Variants in CDH11 observed in about 807,000 individuals in gnomAD.
CDH11 encodes the protein cadherin 11, also known as cadherin-11.
Under a neutral mutation model 67.8 loss-of-function variants are expected in CDH11, and 11 were observed. The observed-to-expected ratio is 0.16, with a 90% CI of 0.10 to 0.27. The LOEUF (loss-of-function observed/expected upper bound fraction) is 0.27, where lower values mean the gene tolerates loss of function less well. Among genes scored for constraint, CDH11 ranks in the 10% least tolerant of loss-of-function variants. CDH11 has a pLI of 1.00. For missense variants in CDH11, 847 were observed against 1,031.2 expected, an observed-to-expected ratio of 0.82 and a Z score of 2.45; for synonymous variants, 419 against 400.0, an observed-to-expected ratio of 1.05 and a Z score of -0.57.
In CDH11 at chr16:65,068,200, AGAAGGGAAAGAG is replaced by A. The variant is rs571864300; in HGVS notation, c.-297-14284_-297-14273del. On this transcript the variant is annotated intron_variant, in intron 1 of 12. Coordinates refer to ENST00000268603, the MANE Select transcript of CDH11 (RefSeq NM_001797.4). ...AGGAAGAAAGGAAGGAAATGAGAGAAGAAGGGAAAGAGGAAGGGAAAGAGGGAAGGAGGGAGG... is the reference window on the plus strand; with the variant it reads ...AGGAAGAAAGGAAGGAAATGAGAGAAGAAGGGAAAGAGGGAAGGAGGGAGG... Among the ~76,000 whole-genome samples the A allele has an allele frequency of 4.7e-3, 679 of 145,284 alleles. 3 individuals carry two copies. Among genetic ancestry groups the A allele is most frequent in the African/African-American group, 0.016 (633 of 39,302 alleles).
intron 4 of CDH11, among the ~76,000 whole-genome samples, chr16:64,993,654 A>C (rs2142497651): frequency 6.6e-6 from 1 of 152,310 alleles, no homozygotes; most frequent in East Asian, 1.9e-4. Context: ...ACCAGTAAAC[A>C]TCTGGTGAGA....
chr16:64,995,431 T>C (rs1212289080), intron 4 of CDH11, among the ~76,000 whole-genome samples: 6 of 151,924 alleles, frequency 3.9e-5, no homozygotes, highest in African/African-American at 1.5e-4. Flanking sequence ...AACCCAGAAA[T>C]AAAGCCACAC....
At chr16:65,038,021 T>A (rs1189384193) in intron 2 of CDH11, among the ~76,000 whole-genome samples, 1 of 152,144 alleles carries the variant, frequency 6.6e-6, no homozygotes, top group Non-Finnish European at 1.5e-5. Flanking sequence ...AAAAAAGAAT[T>A]GTTCTTTTAA....
At chr16:65,046,016 C>T (rs2073956305) in intron 2 of CDH11, among the ~76,000 whole-genome samples, 1 of 152,196 alleles carries the variant, frequency 6.6e-6, no homozygotes, top group African/African-American at 2.4e-5. Flanking sequence ...AAGACACTGC[C>T]TTACTAAGTT....
At chr16:65,055,980 G>A (rs2074135307) in intron 1 of CDH11, among the ~76,000 whole-genome samples, 1 of 152,212 alleles carries the variant, frequency 6.6e-6, no homozygotes, top group African/African-American at 2.4e-5. Context: ...TGAAGACACA[G>A]TGAGAGGACT....
intron 1 of CDH11, among the ~76,000 whole-genome samples, chr16:65,094,150 A>G (rs1374525240): frequency 1.3e-5 from 2 of 152,220 alleles, no homozygotes; most frequent in Admixed American, 1.3e-4. Context: ...GTTTTAAAGA[A>G]AGTGGGATGA....
chr16:65,047,597 A>G (rs1325139647), intron 2 of CDH11, among the ~76,000 whole-genome samples: 2 of 151,884 alleles, frequency 1.3e-5, no homozygotes, highest in Non-Finnish European at 2.9e-5. Flanking sequence ...TGATCTGCCC[A>G]CCTTGGCCTC....
intron 4 of CDH11, among the ~76,000 whole-genome samples, chr16:64,995,856 G>T (rs2072749469): frequency 6.6e-6 from 1 of 152,050 alleles, no homozygotes; most frequent in African/African-American, 2.4e-5. Context: ...ACCCAACAAA[G>T]GTCTAGTATC....
chr16:64,990,388 G>A (rs1306750869), intron 6 of CDH11, among the ~76,000 whole-genome samples: 2 of 152,094 alleles, frequency 1.3e-5, no homozygotes, highest in Admixed American at 6.6e-5. Flanking sequence ...CCTTCCTGGG[G>A]CCACATTTAG....
rs2075329202 is a variant in CDH11, at chr16:65,121,504, A to T, written c.-298+376T>A. Among the ~76,000 whole-genome samples, 2 of 151,990 alleles carry T rather than the reference A, an allele frequency of 1.3e-5. No homozygotes were observed. Among genetic ancestry groups the T allele is most frequent in the South Asian group, 2.1e-4 (1 of 4,830 alleles). ...GCGCCGTGGGCGACTTTCCCCAGAG[A>T]TATGACCGGGGACAGTCGGCGTGTC... is the stretch of plus-strand genomic sequence containing the variant. On this transcript the variant is annotated intron_variant, in intron 1 of 12. Transcript: ENST00000268603. The surrounding 1 kb of genome is among the most constrained non-coding windows in gnomAD (Gnocchi z 4.1).
chr16:65,015,025 T>C (rs1277954787), intron 2 of CDH11, among the ~76,000 whole-genome samples: 1 of 146,378 alleles, frequency 6.8e-6, no homozygotes, highest in Non-Finnish European at 1.5e-5. Flanking sequence ...TTTATTATTA[T>C]TATTATTATT....
At chr16:65,091,304 CTATT>C (rs1257190797) in intron 1 of CDH11, among the ~76,000 whole-genome samples, 5 of 152,052 alleles carry the variant, frequency 3.3e-5, no homozygotes, top group Non-Finnish European at 7.4e-5. Flanking sequence ...ATATTTCCAC[CTATT>C]TATTTAGTAT....
intron 1 of CDH11, among the ~76,000 whole-genome samples, chr16:65,062,672 T>C (rs1295655165): frequency 2.6e-5 from 4 of 152,222 alleles, no homozygotes; most frequent in Non-Finnish European, 5.9e-5. Context: ...GTACAAACTC[T>C]GCTTGTCTAT....
In CDH11 at chr16:64,945,603, C is replaced by T. The variant is rs545741078; in HGVS notation, c.*2000G>A. On this transcript the variant is annotated 3_prime_UTR_variant, in exon 13 of 13. Coordinates refer to ENST00000268603, the MANE Select transcript of CDH11 (RefSeq NM_001797.4). ...AAACTATATAAAAAAATGAACACAA[C>T]CTGCAATTATGGAAGTATTGAGAAT... is the stretch of plus-strand genomic sequence containing the variant. The T allele has an allele frequency of 1.1e-5, 11 of 1,033,398 alleles. No individual in the cohort carries two copies. The African/African-American group carries it at 1.5e-4, about 14-fold the overall frequency. The allele number at this position is 1,033,398 out of a possible 1,614,324, so 64.0% of individuals were successfully genotyped here. A position where few individuals can be genotyped will look rare whatever the true frequency, so the allele number is the denominator to read the frequency against.
chr16:65,059,456 T>C (rs767959450), intron 1 of CDH11: 37 of 152,330 alleles, frequency 2.4e-4, no homozygotes, highest in Non-Finnish European at 4.1e-4. Context: ...ACCTTCACCA[T>C]TTTCCAAAGC....
Position 64,947,150 on chromosome 16 carries a change from T to G in CDH11, c.*453A>C. ...GGGTTTAAGCTGGCTGAATATTATA[T>G]ATTTCAAGTTTAAAAATGCACTACA... On this transcript the variant is annotated 3_prime_UTR_variant, in exon 13 of 13. Transcript: ENST00000268603. The G allele has an allele frequency of 9.6e-7, 1 of 1,046,792 alleles. No individual in the cohort carries two copies. The highest frequency in any genetic ancestry group is 1.2e-6 in the Non-Finnish European group (1 of 865,672). The allele number at this position is 1,046,792 out of a possible 1,614,324, so 64.8% of individuals were successfully genotyped here.
At chr16:65,114,969 C>A (rs2075217835) in intron 1 of CDH11, among the ~76,000 whole-genome samples, 1 of 152,150 alleles carries the variant, frequency 6.6e-6, no homozygotes, top group East Asian at 1.9e-4. Flanking sequence ...CAATCCCAAA[C>A]TACATTTACC....
intron 1 of CDH11, among the ~76,000 whole-genome samples, chr16:65,100,294 A>G (rs927289730): frequency 1.3e-5 from 2 of 152,198 alleles, no homozygotes; most frequent in South Asian, 2.1e-4. Context: ...ATGAAATTTC[A>G]TGGATCATCT....
chr16:64,997,905 G>GA (rs2072814639), intron 4 of CDH11, among the ~76,000 whole-genome samples: 1 of 152,102 alleles, frequency 6.6e-6, no homozygotes, highest in Non-Finnish European at 1.5e-5. Context: ...CTGTTTGAAA[G>GA]ACAAACCTTT....
Sources: gnomAD v4.1 joint callset for allele counts (sites outside exome capture counted in the v4.1 genomes callset) on GRCh38, gnomAD v4.1.1 for gene constraint, Gnocchi (gnomAD v3.1) non-coding constraint, MANE v1.5 for transcripts, NCBI Gene and HGNC (gene_info 2026-07-23, HGNC 2026-07-21) for gene names.